PTTG1IP: variants seen among roughly 807,000 people sequenced by gnomAD.
The protein encoded by PTTG1IP is pituitary tumor-transforming gene 1 protein-interacting protein.
A neutral mutation model predicts 24.4 loss-of-function variants in PTTG1IP; 16 were observed. The observed-to-expected ratio is 0.66, with a 90% CI of 0.44 to 1.00. PTTG1IP has a LOEUF of 1.00. Among genes scored for constraint, PTTG1IP ranks in the 50% least tolerant of loss-of-function variants. The pLI, the probability that PTTG1IP is intolerant of heterozygous loss-of-function variation, is 0.00. For synonymous variants in PTTG1IP, 89 were observed against 96.8 expected, an observed-to-expected ratio of 0.92 and a Z score of 0.47; for missense variants, 241 against 245.8, an observed-to-expected ratio of 0.98 and a Z score of 0.13.
chr21:44,862,253 G>C (rs1475663465), intron 2 of PTTG1IP, among the ~76,000 whole-genome samples: 4 of 152,384 alleles, frequency 2.6e-5, no homozygotes, highest in Admixed American at 1.3e-4. Context: ...AGGCACGGTG[G>C]CTCACGCCTG....
chr21:44,860,527 G>C (rs1478052773), intron 3 of PTTG1IP, among the ~76,000 whole-genome samples: 1 of 152,254 alleles, frequency 6.6e-6, no homozygotes, highest in East Asian at 1.9e-4. Flanking sequence ...GATTCTAGGG[G>C]AATTCACAGG....
intron 4 of PTTG1IP, 65 bp from the exon 5 acceptor site, chr21:44,855,321 G>C (rs1415264327): frequency 6.6e-7 from 1 of 1,511,936 alleles, no homozygotes; most frequent in African/African-American, 1.4e-5. Context: ...TGCTAGACAC[G>C]CCCTTCCGTG....
chr21:44,861,130 T>C (rs774766842), intron 3 of PTTG1IP, 33 bp downstream of exon 3: 1 of 1,574,094 alleles, frequency 6.4e-7, no homozygotes, highest in Non-Finnish European at 8.7e-7. Context: ...GAAGCATCGA[T>C]TTTGCAAGCA....
intron 1 of PTTG1IP, among the ~76,000 whole-genome samples, chr21:44,868,782 G>T (rs554887955): frequency 6.6e-6 from 1 of 152,132 alleles, no homozygotes; most frequent in East Asian, 1.9e-4. Context: ...CCCCAAAGAT[G>T]CCAAGTCCAC....
intron 3 of PTTG1IP, among the ~76,000 whole-genome samples, chr21:44,859,883 CG>C (rs977720911): frequency 2.0e-5 from 3 of 152,080 alleles, no homozygotes; most frequent in African/African-American, 7.2e-5. Context: ...GTAAGTAAGA[CG>C]TAAGTTGCAG....
Position 44,851,477 on chromosome 21 carries a change from T to C in PTTG1IP, c.*104A>G. 1.2e-6 allele frequency: 2 copies of C among 1,612,504 alleles called. No individual in the cohort carries two copies. Among genetic ancestry groups the C allele is most frequent in the Non-Finnish European group, 8.5e-7 (1 of 1,179,934 alleles). ...TGTCCTGGAAGGCTGGCAGGTTCACTGGCCAAGGTCAGGAGACCGCAATGG... is the reference window on the plus strand; with the variant it reads ...TGTCCTGGAAGGCTGGCAGGTTCACCGGCCAAGGTCAGGAGACCGCAATGG... On this transcript the variant is annotated 3_prime_UTR_variant, in exon 6 of 6. Transcript: ENST00000330938.
intron 1 of PTTG1IP, 146 bp from the exon 2 acceptor site, chr21:44,865,593 G>T: frequency 1.3e-6 from 1 of 770,272 alleles, no homozygotes; most frequent in Non-Finnish European, 2.2e-6. Context: ...CTCTTCCTGA[G>T]CCCCTGCTGA....
At chr21:44,863,742 C>A (rs973824088) in intron 2 of PTTG1IP, among the ~76,000 whole-genome samples, 7 of 152,228 alleles carry the variant, frequency 4.6e-5, no homozygotes, top group Admixed American at 3.9e-4. Context: ...CAGGACCAGG[C>A]GCATTAGAGC....
intron 5 of PTTG1IP, 79 bp downstream of exon 5, chr21:44,855,131 C>G (rs571133096): frequency 1.4e-6 from 2 of 1,443,630 alleles, no homozygotes; most frequent in East Asian, 4.6e-5. Context: ...CATCTCAGGC[C>G]ACACTGGCAC....
At chr21:44,861,298 A>G (rs771383132) in intron 2 of PTTG1IP, 27 bp from the exon 3 acceptor site, 54 of 1,578,034 alleles carry the variant, frequency 3.4e-5, no homozygotes, top group Non-Finnish European at 4.4e-5. Context: ...TTAAGCAAGC[A>G]TTAGAAACAA....
chr21:44,873,666 A>G lies in PTTG1IP; in HGVS notation c.-50T>C. Reference sequence around the variant, plus strand: ...AGTGGAGCGTTACAACTCCGACTCCAGCACAAGCGGTCTCCGCCCGGAACA... The same window carrying G: ...AGTGGAGCGTTACAACTCCGACTCCGGCACAAGCGGTCTCCGCCCGGAACA... On this transcript the variant is annotated 5_prime_UTR_variant, in exon 1 of 6. Transcript: ENST00000330938. 1.5e-6 allele frequency: 2 copies of G among 1,318,172 alleles called. No homozygotes were observed. The highest frequency in any genetic ancestry group is 1.9e-6 in the Non-Finnish European group (2 of 1,029,774). The allele number at this position is 1,318,172 out of a possible 1,614,324, so 81.7% of individuals were successfully genotyped here.
At position 44,861,081 on chromosome 21, in the gene PTTG1IP, C is replaced by T. The variant is rs529543173; in HGVS notation, c.277+82G>A. ...CCTCCCAAAGTGCTGGGATTACAGA[C>T]GTGAGCCACCGCGCCCGGCCCATAC... On this transcript the variant is annotated intron_variant, in intron 3 of 5. Coordinates refer to ENST00000330938, the MANE Select transcript of PTTG1IP (RefSeq NM_004339.4). 121 of 1,211,084 alleles carry T rather than the reference C, an allele frequency of 1.0e-4. No individual in the cohort carries two copies. In the African/African-American group the frequency reaches 1.2e-3, roughly 12 times the overall value. The allele number at this position is 1,211,084 out of a possible 1,614,324, so 75.0% of individuals were successfully genotyped here. A position where few individuals can be genotyped will look rare whatever the true frequency, so the allele number is the denominator to read the frequency against.
At chr21:44,867,578 C>A (rs2146471013) in intron 1 of PTTG1IP, among the ~76,000 whole-genome samples, 2 of 152,370 alleles carry the variant, frequency 1.3e-5, no homozygotes, top group East Asian at 3.9e-4. Context: ...AAGACAACTG[C>A]TGAACTCTGG....
Position 44,851,367 on chromosome 21 carries a change from C to G in PTTG1IP, c.*214G>C. The stretch of plus-strand genomic sequence containing the variant: ...GATTTCTTATTTCAAGTGACTAAAT[C>G]TAGAAACAGAGATGAACAGGGAATA... On this transcript the variant is annotated 3_prime_UTR_variant, in exon 6 of 6. Coordinates refer to ENST00000330938, the MANE Select transcript of PTTG1IP (RefSeq NM_004339.4). 1 of 1,514,124 alleles carries G rather than the reference C, an allele frequency of 6.6e-7. No homozygotes were observed. Among genetic ancestry groups the G allele is most frequent in the Non-Finnish European group, 8.9e-7 (1 of 1,127,288 alleles). The allele number at this position is 1,514,124 out of a possible 1,614,324, so 93.8% of individuals were successfully genotyped here.
At chr21:44,870,544 A>AAAAAG (rs1569328090) in intron 1 of PTTG1IP, among the ~76,000 whole-genome samples, 41 of 146,682 alleles carry the variant, frequency 2.8e-4, no homozygotes, top group African/African-American at 9.9e-4. Context: ...AAAAAAAAAA[A>AAAAAG]AAAAGAAAGG....
At chr21:44,865,322 G>A in intron 2 of PTTG1IP, 73 bp downstream of exon 2, 1 of 1,476,594 alleles carries the variant, frequency 6.8e-7, no homozygotes, top group Non-Finnish European at 9.5e-7. Context: ...GCGAATCCCT[G>A]GACCTAGAGA....
intron 5 of PTTG1IP, 94 bp downstream of exon 5, chr21:44,855,116 A>G (rs907559983): frequency 1.5e-6 from 2 of 1,317,886 alleles, no homozygotes; most frequent in African/African-American, 1.5e-5. Context: ...GTGAACCCAC[A>G]GCCCCATCTC....
At chr21:44,857,151 T>C (rs1248393079) in intron 3 of PTTG1IP, among the ~76,000 whole-genome samples, 1 of 152,216 alleles carries the variant, frequency 6.6e-6, no homozygotes, top group Non-Finnish European at 1.5e-5. Flanking sequence ...CTAAAACTAC[T>C]TTTGCAAATG....
At chr21:44,863,530 G>C (rs944727060) in intron 2 of PTTG1IP, among the ~76,000 whole-genome samples, 1 of 152,196 alleles carries the variant, frequency 6.6e-6, no homozygotes, top group African/African-American at 2.4e-5. Flanking sequence ...AATGACCTGG[G>C]CAAGTCCCTC....
Sources: gnomAD v4.1 joint callset for allele counts (sites outside exome capture counted in the v4.1 genomes callset) on GRCh38, gnomAD v4.1.1 for gene constraint, MANE v1.5 for transcripts, NCBI Gene and HGNC (gene_info 2026-07-23, HGNC 2026-07-21) for gene names.